FAF1: variants seen among roughly 807,000 people sequenced by gnomAD.
FAF1 encodes the protein FAS-associated factor 1.
FAF1 carries 25 observed loss-of-function variants against 92.5 expected under a neutral mutation model. The ratio of observed to expected loss-of-function variants is 0.27; its 90% CI spans 0.20 to 0.38. The LOEUF is 0.38. Ranked by LOEUF, FAF1 falls within the 10% of genes least tolerant of loss-of-function variation. The pLI, the probability that FAF1 is intolerant of heterozygous loss-of-function variation, is 1.00. For synonymous variants in FAF1, 234 were observed against 273.2 expected, an observed-to-expected ratio of 0.86 and a Z score of 1.42; for missense variants, 636 against 793.3, an observed-to-expected ratio of 0.80 and a Z score of 2.38.
chr1:50,497,799 C>T (rs1456887352), intron 15 of FAF1, among the ~76,000 whole-genome samples: 1 of 151,916 alleles, frequency 6.6e-6, no homozygotes, highest in Non-Finnish European at 1.5e-5. Context: ...CCACCTGCCT[C>T]GGCCTCCCAA....
chr1:50,877,832 G>A (rs549064906), intron 1 of FAF1, among the ~76,000 whole-genome samples: 1 of 152,138 alleles, frequency 6.6e-6, no homozygotes, highest in African/African-American at 2.4e-5. Context: ...CTAAATCAGA[G>A]ACAAGGAGCC....
chr1:50,847,222 TTA>T (rs1176346317), intron 2 of FAF1, among the ~76,000 whole-genome samples: 1 of 152,020 alleles, frequency 6.6e-6, no homozygotes, highest in Non-Finnish European at 1.5e-5. Flanking sequence ...AATGTATTAA[TTA>T]TATGGGCAAT....
In FAF1 at chr1:50,952,701, G is replaced by T. The variant is rs551959383; in HGVS notation, c.45+7066C>A. ...CGGCCGCCCATCGTCTGAGATGTGG[G>T]GAGCGCCTCTGCCCCGCCACCCCGT... On this transcript the variant is annotated intron_variant, in intron 1 of 18. Transcript: ENST00000396153. Among the ~76,000 whole-genome samples the T allele has an allele frequency of 2.7e-5, 4 of 150,410 alleles. No homozygotes were observed. In the South Asian group the frequency reaches 8.4e-4, roughly 32 times the overall value.
chr1:50,784,261 T>C (rs1661285263), intron 4 of FAF1, among the ~76,000 whole-genome samples: 1 of 151,802 alleles, frequency 6.6e-6, no homozygotes. Context: ...ACAGACAACA[T>C]GATATTATAT....
intron 15 of FAF1, among the ~76,000 whole-genome samples, chr1:50,496,588 G>A (rs1311542992): frequency 1.3e-5 from 2 of 152,156 alleles, no homozygotes; most frequent in Non-Finnish European, 2.9e-5. Flanking sequence ...GCAAGGTGAG[G>A]AGGTGTAAAA....
intron 4 of FAF1, among the ~76,000 whole-genome samples, chr1:50,759,239 T>G (rs1240646445): frequency 6.6e-6 from 1 of 151,728 alleles, no homozygotes; most frequent in Non-Finnish European, 1.5e-5. Flanking sequence ...CATGCTGGTG[T>G]GCTGCACCCA....
chr1:50,794,078 A>C (rs1186879867), intron 3 of FAF1, among the ~76,000 whole-genome samples: 1 of 152,254 alleles, frequency 6.6e-6, no homozygotes, highest in Non-Finnish European at 1.5e-5. Flanking sequence ...CAAATAAGGA[A>C]AACTAAACCT....
chr1:50,564,682 A>C (rs1168068986), intron 13 of FAF1, among the ~76,000 whole-genome samples: 1 of 152,174 alleles, frequency 6.6e-6, no homozygotes, highest in African/African-American at 2.4e-5. Flanking sequence ...AAATCCAAGA[A>C]AGATAATACA....
At chr1:50,551,524 C>T (rs887926671) in intron 13 of FAF1, among the ~76,000 whole-genome samples, 1 of 152,104 alleles carries the variant, frequency 6.6e-6, no homozygotes, top group African/African-American at 2.4e-5. Flanking sequence ...ACAATACCCA[C>T]AAAACTTTAA....
chr1:50,494,663 A>G (rs564859094), intron 15 of FAF1, among the ~76,000 whole-genome samples: 7 of 152,198 alleles, frequency 4.6e-5, no homozygotes, highest in Non-Finnish European at 8.8e-5. Flanking sequence ...GCTGTGCTAC[A>G]CTCATTTGTG....
In FAF1 at chr1:50,960,245, G is replaced by GGCCGCC; in HGVS notation, c.-440_-435dup. ...CCTCCGCCTCCTCCGCTTCCTCCCT[G>GGCCGCC]GCCGCCGCCTCCGCCCCTGGTTGGC... On this transcript the variant is annotated 5_prime_UTR_variant, in exon 1 of 19. Coordinates refer to ENST00000396153, the MANE Select transcript of FAF1 (RefSeq NM_007051.3). 1 of 333,102 alleles carries GGCCGCC rather than the reference G, an allele frequency of 3.0e-6. No homozygotes were observed. Among genetic ancestry groups the GGCCGCC allele is most frequent in the Non-Finnish European group, 5.5e-6 (1 of 182,974 alleles). The allele number at this position is 333,102 out of a possible 1,614,324, so 20.6% of individuals were successfully genotyped here.
intron 2 of FAF1, among the ~76,000 whole-genome samples, chr1:50,825,742 A>G (rs1644090973): frequency 1.3e-5 from 2 of 152,172 alleles, no homozygotes; most frequent in African/African-American, 2.4e-5. Context: ...TACAAAAAAC[A>G]TTTACCAAAA....
chr1:50,501,171 CA>C (rs1274024886), intron 15 of FAF1, among the ~76,000 whole-genome samples: 2 of 152,216 alleles, frequency 1.3e-5, no homozygotes, highest in East Asian at 3.9e-4. Context: ...ATCTAAAACA[CA>C]TAAAGAACTT....
At chr1:50,923,147 A>G (rs1047564296) in intron 1 of FAF1, among the ~76,000 whole-genome samples, 5 of 152,224 alleles carry the variant, frequency 3.3e-5, no homozygotes, top group Admixed American at 6.5e-5. Flanking sequence ...GGCTAAGTGC[A>G]ATAACGCACA....
chr1:50,675,920 T>C lies in FAF1; in HGVS notation c.658-20392A>G, dbSNP rs1470495397. Among the ~76,000 whole-genome samples the C allele has an allele frequency of 2.6e-5, 4 of 152,240 alleles. No homozygotes were observed. The East Asian group carries it at 7.7e-4, about 29-fold the overall frequency. ...GCACTGGTCCAGGTACTGTGCATGT[T>C]ACTCTATTTCATGCTCACATCAATT... is the stretch of plus-strand genomic sequence containing the variant. On this transcript the variant is annotated intron_variant, in intron 7 of 18. Coordinates refer to ENST00000396153, the MANE Select transcript of FAF1 (RefSeq NM_007051.3).
chr1:50,594,314 CAAA>C (rs57900829), intron 9 of FAF1, among the ~76,000 whole-genome samples: 11 of 81,194 alleles, frequency 1.4e-4, no homozygotes, highest in South Asian at 4.1e-4. Context: ...GATCCTGTCT[CAAA>C]AAAAAAAAAA....
intron 9 of FAF1, among the ~76,000 whole-genome samples, chr1:50,593,016 T>C (rs1558007905): frequency 6.6e-6 from 1 of 150,908 alleles, no homozygotes; most frequent in South Asian, 2.1e-4. Flanking sequence ...AAGACAGCAG[T>C]AGAATCACTG....
chr1:50,673,269 G>A (rs536820101), intron 7 of FAF1, among the ~76,000 whole-genome samples: 1 of 150,584 alleles, frequency 6.6e-6, no homozygotes, highest in Admixed American at 6.6e-5. Context: ...AAAAAAAAAA[G>A]AAAAGAAAAA....
At position 50,686,550 on chromosome 1, in the gene FAF1, A is replaced by G. The variant is rs74925918; in HGVS notation, c.657+19236T>C. ...AGAGCGAAACTCTATCTCAAAGAAG[A>G]GGAGGGGAGGGGAGGGAAGAGGAGG... On this transcript the variant is annotated intron_variant, in intron 7 of 18. Coordinates refer to ENST00000396153, the MANE Select transcript of FAF1 (RefSeq NM_007051.3). Among the ~76,000 whole-genome samples the G allele has an allele frequency of 8.9e-3, 1,079 of 121,202 alleles. 10 individuals carry two copies. Among genetic ancestry groups the G allele is most frequent in the African/African-American group, 0.032 (1,040 of 32,856 alleles). 79.5% of individuals were successfully genotyped at this position (121,202 alleles called of 152,430 possible). A position where few individuals can be genotyped will look rare whatever the true frequency, so the allele number is the denominator to read the frequency against.
Sources: gnomAD v4.1 joint callset for allele counts (sites outside exome capture counted in the v4.1 genomes callset) on GRCh38, gnomAD v4.1.1 for gene constraint, MANE v1.5 for transcripts, NCBI Gene and HGNC (gene_info 2026-07-23, HGNC 2026-07-21) for gene names.